The following ATAD1 variants were observed in gnomAD, a reference collection of about 807,000 sequenced individuals.
The protein encoded by ATAD1 is ATPase family AAA domain containing 1.
A neutral mutation model predicts 42.7 loss-of-function variants in ATAD1; 18 were observed. The observed-to-expected ratio is 0.42, with a 90% CI of 0.29 to 0.63. The LOEUF is 0.63. Among genes scored for constraint, ATAD1 ranks in the 20% least tolerant of loss-of-function variants. The pLI is 0.19. For missense variants in ATAD1, 294 were observed against 440.4 expected (o/e 0.67, Z 2.98); for synonymous variants, 132 against 143.1 (o/e 0.92, Z 0.55).
At chr10:87,797,555 G>A (rs770487018) in intron 2 of ATAD1, among the ~76,000 whole-genome samples, 10 of 152,174 alleles carry the variant, frequency 6.6e-5, no homozygotes, top group Non-Finnish European at 8.8e-5. Context: ...TCCTTGTGGA[G>A]TTTCAAGAGT....
chr10:87,784,726 T>G (rs1855745074), intron 4 of ATAD1, 56 bp from the exon 5 acceptor site: 2 of 1,486,996 alleles, frequency 1.3e-6, no homozygotes, highest in Middle Eastern at 2.4e-4. Flanking sequence ...TCAATTTATA[T>G]GATAATCAAT....
At chr10:87,833,427 T>A (rs1322555201) in intron 1 of ATAD1, among the ~76,000 whole-genome samples, 5 of 152,142 alleles carry the variant, frequency 3.3e-5, no homozygotes, top group African/African-American at 1.2e-4. Context: ...ATAGAGACAT[T>A]TTTATTTCTT....
At chr10:87,766,018 A>G (rs1221273131) in intron 8 of ATAD1, among the ~76,000 whole-genome samples, 1 of 152,116 alleles carries the variant, frequency 6.6e-6, no homozygotes, top group African/African-American at 2.4e-5. Flanking sequence ...AGGCTAGGCA[A>G]CAGAGAGAGA....
chr10:87,800,990 T>C (rs1856665563), intron 2 of ATAD1, among the ~76,000 whole-genome samples: 1 of 152,210 alleles, frequency 6.6e-6, no homozygotes, highest in Non-Finnish European at 1.5e-5. Flanking sequence ...TATGGGCCCC[T>C]GTGTCAGATT....
At chr10:87,792,341 C>T (rs938097183) in intron 3 of ATAD1, among the ~76,000 whole-genome samples, 1 of 152,162 alleles carries the variant, frequency 6.6e-6, no homozygotes, top group Admixed American at 6.5e-5. Context: ...CTGAGTCTCC[C>T]GTGAGCTTTC....
In ATAD1 at chr10:87,798,625, G is replaced by GTGTGT. The variant is rs567973402; in HGVS notation, c.163-5871_163-5870insACACA. Among the ~76,000 whole-genome samples, 74 of 124,934 alleles carry GTGTGT rather than the reference G, an allele frequency of 5.9e-4. 2 individuals carry two copies. The highest frequency in any genetic ancestry group is 3.2e-3 in the Admixed American group (41 of 12,914). The allele number at this position is 124,934 out of a possible 152,430, so 82.0% of individuals were successfully genotyped here. The stretch of plus-strand genomic sequence containing the variant: ...AAGTTCCAAAGTAAAAGCTATAGGG[G>GTGTGT]GTGTGTGTGTGTGTGTGTGTGTGTG... On this transcript the variant is annotated intron_variant, in intron 2 of 9. Transcript: ENST00000680024.
chr10:87,822,530 C>A (rs1857650255), upstream of ATAD1, among the ~76,000 whole-genome samples: 1 of 152,026 alleles, frequency 6.6e-6, no homozygotes, highest in Non-Finnish European at 1.5e-5. Flanking sequence ...AAGCCAGGCA[C>A]AGAAAGACAA....
chr10:87,818,183 C>G lies in ATAD1; in HGVS notation c.-30G>C, dbSNP rs1440391457. ...GCTACTCACCCAGGGGCAGAAACAG[C>G]AAGAGCAAGTGCCCTCAGCCGGCCT... On this transcript the variant is annotated 5_prime_UTR_variant, in exon 1 of 10. Transcript: ENST00000680024. 3.0e-6 allele frequency: 3 copies of G among 985,570 alleles called. No individual in the cohort carries two copies. The highest frequency in any genetic ancestry group is 2.4e-6 in the Non-Finnish European group (2 of 830,124). The allele number at this position is 985,570 out of a possible 1,614,324, so 61.1% of individuals were successfully genotyped here.
At position 87,767,544 on chromosome 10, in the gene ATAD1, G is replaced by GACC. The variant is rs1854817439; in HGVS notation, c.831+128_831+129insGGT. On this transcript the variant is annotated intron_variant, in intron 8 of 9. Transcript: ENST00000680024. ...CCTAACAGGCCATAGACCAGTACCAGTCTGTGGCTGCAGGGGCTGGAGATC... is the reference window on the plus strand; with the variant it reads ...CCTAACAGGCCATAGACCAGTACCAGACCTCTGTGGCTGCAGGGGCTGGAGATC... 5.0e-5 allele frequency: 44 copies of GACC among 873,752 alleles called. No homozygotes were observed. The South Asian group carries it at 5.8e-4, about 11-fold the overall frequency. The allele number at this position is 873,752 out of a possible 1,614,324, so 54.1% of individuals were successfully genotyped here.
At chr10:87,761,937 G>T (rs1003676504) in intron 8 of ATAD1, among the ~76,000 whole-genome samples, 6 of 151,742 alleles carry the variant, frequency 4.0e-5, no homozygotes, top group African/African-American at 1.5e-4. Flanking sequence ...TAGAGGTGAG[G>T]TCTCATCATG....
intron 1 of ATAD1, among the ~76,000 whole-genome samples, chr10:87,817,363 T>C (rs1176886597): frequency 1.3e-5 from 2 of 152,214 alleles, no homozygotes; most frequent in African/African-American, 4.8e-5. Context: ...TATGTACATA[T>C]ACGATGATAG....
At chr10:87,790,229 A>G in intron 4 of ATAD1, 81 bp downstream of exon 4, 1 of 1,526,924 alleles carries the variant, frequency 6.5e-7, no homozygotes. Flanking sequence ...TGATTTCACA[A>G]AAACTAGTTC....
At chr10:87,814,651 A>G (rs779833864) in intron 1 of ATAD1, 39 bp from the exon 2 acceptor site, 3 of 1,399,428 alleles carry the variant, frequency 2.1e-6, no homozygotes, top group Non-Finnish European at 2.8e-6. Context: ...GGTAATAACT[A>G]TACTTATTAA....
chr10:87,798,625 G>GGGGTGTGTGTGTGTGTGTGTGTGTGT (rs1554881741), intron 2 of ATAD1, among the ~76,000 whole-genome samples: 4 of 124,860 alleles, frequency 3.2e-5, no homozygotes, highest in Non-Finnish European at 6.9e-5. Flanking sequence ...AGCTATAGGG[G>GGGGTGTGTGTGTGTGTGTGTGTGTGT]GTGTGTGTGT....
At chr10:87,838,148 A>G (rs1370665801) in intron 1 of ATAD1, among the ~76,000 whole-genome samples, 2 of 152,206 alleles carry the variant, frequency 1.3e-5, no homozygotes, top group Admixed American at 1.3e-4. Context: ...TTTTTCCCCA[A>G]TTCACTTGGT....
intron 3 of ATAD1, among the ~76,000 whole-genome samples, chr10:87,791,275 T>C (rs2131929294): frequency 6.6e-6 from 1 of 151,150 alleles, no homozygotes; most frequent in South Asian, 2.1e-4. Flanking sequence ...AAACAGGGCA[T>C]ACGTATTTTC....
In ATAD1 at chr10:87,807,536, T is replaced by C. The variant is rs12241491; in HGVS notation, c.162+6902A>G. ...GACTTTAATTTGCATTTCCTTGATT[T>C]CTAATCAGTTTGTGCATCTTTTCAT... On this transcript the variant is annotated intron_variant, in intron 2 of 9. Coordinates refer to ENST00000680024, the MANE Select transcript of ATAD1 (RefSeq NM_001321967.2). 8.2e-3 allele frequency among the ~76,000 whole-genome samples: 1,249 copies of C among 152,330 alleles called. 12 individuals carry two copies. Among genetic ancestry groups the C allele is most frequent in the African/African-American group, 0.029 (1,192 of 41,574 alleles).
chr10:87,823,192 G>A (rs1280785288), upstream of ATAD1, among the ~76,000 whole-genome samples: 1 of 151,632 alleles, frequency 6.6e-6, no homozygotes, highest in African/African-American at 2.4e-5. Context: ...TTTTAAATGA[G>A]TGTATATAAA....
chr10:87,775,370 G>A (rs1443409168), intron 6 of ATAD1, among the ~76,000 whole-genome samples: 7 of 123,870 alleles, frequency 5.7e-5, no homozygotes, highest in Admixed American at 1.1e-4. Flanking sequence ...GCAGTGAGCC[G>A]ACATCACACC....
Sources: allele counts gnomAD v4.1 joint callset (sites outside exome capture counted in the v4.1 genomes callset), GRCh38; gene constraint gnomAD v4.1.1; transcripts MANE v1.5; gene names NCBI Gene and HGNC (gene_info 2026-07-23, HGNC 2026-07-21).